PDE3A: variants seen among roughly 807,000 people sequenced by gnomAD.
The protein encoded by PDE3A is cGMP-inhibited 3',5'-cyclic phosphodiesterase 3A.
Under a neutral mutation model 98.3 loss-of-function variants are expected in PDE3A, and 43 were observed. The ratio of observed to expected loss-of-function variants is 0.44; its 90% confidence interval spans 0.34 to 0.56. The LOEUF is 0.56. Among genes scored for constraint, PDE3A ranks in the 20% least tolerant of loss-of-function variants. PDE3A has a pLI of 0.01. For synonymous variants in PDE3A, 663 were observed against 567.9 expected, an observed-to-expected ratio of 1.17 and a Z score of -2.38; for missense variants, 1,427 against 1,440.7, an observed-to-expected ratio of 0.99 and a Z score of 0.15.
chr12:20,544,146 A>G (rs1228573017), intron 1 of PDE3A, among the ~76,000 whole-genome samples: 1 of 150,040 alleles, frequency 6.7e-6, no homozygotes, highest in Non-Finnish European at 1.5e-5. Context: ...CATAGAGCAT[A>G]AGATATATAA....
chr12:20,379,943 T>C (rs1332004302), intron 1 of PDE3A, among the ~76,000 whole-genome samples: 3 of 151,816 alleles, frequency 2.0e-5, no homozygotes, highest in African/African-American at 4.8e-5. Flanking sequence ...ACCAAGATCA[T>C]TGTAGTGTAA....
At chr12:20,471,464 C>T (rs1945438916) in intron 1 of PDE3A, among the ~76,000 whole-genome samples, 1 of 152,160 alleles carries the variant, frequency 6.6e-6, no homozygotes, top group African/African-American at 2.4e-5. Flanking sequence ...CCCTTTTCCT[C>T]TGTTCTTCTG....
chr12:20,421,547 A>G (rs935656172), intron 1 of PDE3A, among the ~76,000 whole-genome samples: 2 of 152,004 alleles, frequency 1.3e-5, no homozygotes, highest in Non-Finnish European at 2.9e-5. Flanking sequence ...GAATAAGCAA[A>G]TAGCATAAAA....
intron 2 of PDE3A, among the ~76,000 whole-genome samples, chr12:20,588,711 C>A (rs1322633178): frequency 6.6e-6 from 1 of 152,026 alleles, no homozygotes; most frequent in Admixed American, 6.5e-5. Flanking sequence ...GAAAAGTGGA[C>A]CTTTCCGATA....
intron 15 of PDE3A, among the ~76,000 whole-genome samples, chr12:20,671,949 C>A (rs1945494412): frequency 6.8e-6 from 1 of 146,354 alleles, no homozygotes; most frequent in African/African-American, 2.5e-5. Flanking sequence ...ATCTAGAAAA[C>A]CCCATTGTCT....
At chr12:20,426,304 T>A (rs1246997345) in intron 1 of PDE3A, among the ~76,000 whole-genome samples, 1 of 152,162 alleles carries the variant, frequency 6.6e-6, no homozygotes, top group Non-Finnish European at 1.5e-5. Flanking sequence ...GTGAAAAACA[T>A]CTGGAGCTTT....
rs868616595 is a variant in PDE3A, at chr12:20,369,516, G to T, written c.232G>T (p.Val78Leu). 2.6e-6 allele frequency: 4 copies of T among 1,560,956 alleles called. No homozygotes were observed. In the African/African-American group the frequency reaches 5.4e-5, roughly 21 times the overall value. ...CCTGTCCTTTCTGCTGGCGCTGCTGGTGAGGCTGGTCCGCGGGGAGGTCGG... is the reference window on the plus strand; with the variant it reads ...CCTGTCCTTTCTGCTGGCGCTGCTGTTGAGGCTGGTCCGCGGGGAGGTCGG... ...GSLSFLLALL[V>L]RLVRGEVGCD... is the part of the protein sequence containing the mutation. Residue 78 changes from valine to leucine, a missense_variant, in exon 1 of 16, where the codon GTG becomes TTG. Coordinates refer to ENST00000359062, the MANE Select transcript of PDE3A (RefSeq NM_000921.5).
chr12:20,680,500 T>A lies in PDE3A; in HGVS notation c.*229T>A, dbSNP rs1290187539. The A allele has an allele frequency of 7.8e-6, 4 of 514,462 alleles. No individual in the cohort carries two copies. The highest frequency in any genetic ancestry group is 1.1e-5 in the Non-Finnish European group (3 of 283,538). The allele number at this position is 514,462 out of a possible 1,614,324, so 31.9% of individuals were successfully genotyped here. On this transcript the variant is annotated 3_prime_UTR_variant, in exon 16 of 16. Transcript: ENST00000359062. ...GCAACACCAGCTTCTAAGGATTTTT[T>A]AAGGAGGGAATATATATGTGTGTGT...
intron 2 of PDE3A, among the ~76,000 whole-genome samples, chr12:20,559,467 G>A (rs77220800): frequency 0.072 from 10,895 of 150,568 alleles, 792 homozygotes; most frequent in African/African-American, 0.19. Context: ...GTGAAACCCC[G>A]TCTCCACTAA....
At chr12:20,431,834 G>A (rs543134270) in intron 1 of PDE3A, among the ~76,000 whole-genome samples, 2 of 152,094 alleles carry the variant, frequency 1.3e-5, no homozygotes, top group Non-Finnish European at 1.5e-5. Context: ...AAGAAAATAG[G>A]TTCATTTAAT....
At chr12:20,453,137 G>T (rs1414354963) in intron 1 of PDE3A, among the ~76,000 whole-genome samples, 1 of 148,320 alleles carries the variant, frequency 6.7e-6, no homozygotes, top group African/African-American at 2.5e-5. Context: ...TCCCAGATTT[G>T]TGATTGACTG....
At chr12:20,583,745 T>C (rs545164836) in intron 2 of PDE3A, among the ~76,000 whole-genome samples, 1 of 152,242 alleles carries the variant, frequency 6.6e-6, no homozygotes, top group Non-Finnish European at 1.5e-5. Context: ...TTATTTAATT[T>C]ACTGTTACTA....
chr12:20,664,453 C>T (rs532375676), intron 15 of PDE3A, among the ~76,000 whole-genome samples: 3 of 152,278 alleles, frequency 2.0e-5, no homozygotes, highest in African/African-American at 7.2e-5. Flanking sequence ...CTTCCAGACA[C>T]TTCATGTTCA....
chr12:20,452,701 G>A (rs1220608472), intron 1 of PDE3A, among the ~76,000 whole-genome samples: 2 of 152,182 alleles, frequency 1.3e-5, no homozygotes, highest in Admixed American at 6.5e-5. Flanking sequence ...CTGGGGGAAT[G>A]CTGGTAGAAT....
chr12:20,414,165 A>G (rs1287605752), intron 1 of PDE3A, among the ~76,000 whole-genome samples: 1 of 152,176 alleles, frequency 6.6e-6, no homozygotes, highest in Non-Finnish European at 1.5e-5. Flanking sequence ...GTATACGTAT[A>G]TTTGATTATA....
chr12:20,572,064 A>G, intron 2 of PDE3A: 1 of 1,193,318 alleles, frequency 8.4e-7, no homozygotes, highest in South Asian at 1.6e-5. Flanking sequence ...GCATGTTTTT[A>G]AAAAAATGAG....
intron 1 of PDE3A, among the ~76,000 whole-genome samples, chr12:20,415,883 A>G (rs1238445594): frequency 6.6e-6 from 1 of 152,180 alleles, no homozygotes; most frequent in Non-Finnish European, 1.5e-5. Context: ...TTAGACAGAA[A>G]TGGGATTCAG....
intron 15 of PDE3A, among the ~76,000 whole-genome samples, chr12:20,663,615 C>T (rs925862438): frequency 3.3e-5 from 5 of 152,136 alleles, no homozygotes; most frequent in African/African-American, 7.2e-5. Context: ...TTGCATGGGA[C>T]GTGTAGCCCC....
intron 1 of PDE3A, among the ~76,000 whole-genome samples, chr12:20,547,704 C>G (rs1348776554): frequency 6.6e-6 from 1 of 151,918 alleles, no homozygotes; most frequent in East Asian, 1.9e-4. Context: ...TAGTTACAGT[C>G]CTCCTTCAGC....
Sources: allele counts gnomAD v4.1 joint callset (sites outside exome capture counted in the v4.1 genomes callset), GRCh38; gene constraint gnomAD v4.1.1; transcripts MANE v1.5; gene names NCBI Gene and HGNC (gene_info 2026-07-23, HGNC 2026-07-21).